The following DCDC1 variants were observed in gnomAD, a reference collection of about 807,000 sequenced individuals.
DCDC1 encodes doublecortin domain containing 1.
DCDC1 carries 200 observed loss-of-function variants against 178.3 expected under a neutral mutation model. That is an observed-to-expected ratio of 1.12 (90% confidence interval 1.00 to 1.26). The LOEUF is 1.26. Among genes scored for constraint, DCDC1 ranks in the 50% most tolerant of loss-of-function variants. The probability of loss-of-function intolerance (pLI) is 0.00; values close to 1 mark genes in which losing one functional copy is unlikely to be tolerated. For synonymous variants in DCDC1, 690 were observed against 604.8 expected, an observed-to-expected ratio of 1.14 and a Z score of -2.07; for missense variants, 1,983 against 1,749.2, an observed-to-expected ratio of 1.13 and a Z score of -2.38.
intron 12 of DCDC1, among the ~76,000 whole-genome samples, chr11:31,109,329 G>A (rs1042543521): frequency 2.0e-5 from 3 of 151,962 alleles, no homozygotes; most frequent in African/African-American, 7.2e-5. Flanking sequence ...ATGTTGCTCA[G>A]GCTGGTAAAA....
chr11:30,998,567 A>C (rs912764742), intron 20 of DCDC1, among the ~76,000 whole-genome samples: 3 of 152,238 alleles, frequency 2.0e-5, no homozygotes, highest in African/African-American at 7.2e-5. Context: ...AAATGTTTTA[A>C]AAATGACAGA....
intron 8 of DCDC1, among the ~76,000 whole-genome samples, chr11:31,259,071 A>G (rs1378953325): frequency 2.0e-5 from 3 of 152,020 alleles, no homozygotes; most frequent in African/African-American, 4.8e-5. Flanking sequence ...TCGGTTCCCT[A>G]AGAGCGCGGT....
chr11:30,895,432 A>G (rs752089215), intron 34 of DCDC1, among the ~76,000 whole-genome samples: 11 of 152,222 alleles, frequency 7.2e-5, no homozygotes, highest in Non-Finnish European at 1.3e-4. Flanking sequence ...TTAGGTTCAT[A>G]AAACAATAGA....
intron 20 of DCDC1, among the ~76,000 whole-genome samples, chr11:30,973,761 G>T (rs1378405797): frequency 2.6e-5 from 4 of 152,050 alleles, no homozygotes; most frequent in African/African-American, 9.7e-5. Context: ...TAAACATAAA[G>T]GGAGAAATAA....
intron 1 of DCDC1, among the ~76,000 whole-genome samples, chr11:31,355,527 AT>A (rs1248497454): frequency 3.3e-5 from 5 of 152,050 alleles, no homozygotes; most frequent in African/African-American, 9.7e-5. Context: ...TAGAAAAAAA[AT>A]GTTTGGTTAC....
intron 9 of DCDC1, among the ~76,000 whole-genome samples, chr11:31,193,222 A>T (rs2136366273): frequency 6.6e-6 from 1 of 152,162 alleles, no homozygotes; most frequent in African/African-American, 2.4e-5. Flanking sequence ...TTACCATAAC[A>T]AATCAATCCT....
intron 20 of DCDC1, among the ~76,000 whole-genome samples, chr11:31,064,004 T>C (rs1956114584): frequency 6.6e-6 from 1 of 152,166 alleles, no homozygotes; most frequent in Admixed American, 6.5e-5. Context: ...AATGATGTTA[T>C]TTTTATTCTA....
In DCDC1 at chr11:31,089,608, C is replaced by T. The variant is rs541193297; in HGVS notation, c.2237+1785G>A. ...ATTTTCTCACATCTCACTGATGCTCCGTTCTTTTTTTTTTTTTTGAAGTAT... is the reference window on the plus strand; with the variant it reads ...ATTTTCTCACATCTCACTGATGCTCTGTTCTTTTTTTTTTTTTTGAAGTAT... On this transcript the variant is annotated intron_variant, in intron 17 of 38. Coordinates refer to ENST00000684477, the MANE Select transcript of DCDC1 (RefSeq NM_001387274.1). Among the ~76,000 whole-genome samples the T allele has an allele frequency of 1.1e-4, 14 of 122,790 alleles. No homozygotes were observed. The East Asian group carries it at 1.5e-3, about 13-fold the overall frequency. The allele number at this position is 122,790 out of a possible 152,430, so 80.6% of individuals were successfully genotyped here.
chr11:31,260,784 G>C (rs1299401595), intron 8 of DCDC1, among the ~76,000 whole-genome samples: 10 of 152,088 alleles, frequency 6.6e-5, no homozygotes, highest in Admixed American at 6.5e-4. Context: ...CAAAAAGTTT[G>C]GAAATGTTAG....
At chr11:31,215,979 C>T (rs550991287) in intron 9 of DCDC1, among the ~76,000 whole-genome samples, 44 of 152,222 alleles carry the variant, frequency 2.9e-4, no homozygotes, top group African/African-American at 9.1e-4. Flanking sequence ...CATGCAGAGC[C>T]AAGGAGCATT....
intron 2 of DCDC1, among the ~76,000 whole-genome samples, chr11:31,329,113 T>C (rs1473439572): frequency 6.6e-6 from 1 of 152,026 alleles, no homozygotes; most frequent in Non-Finnish European, 1.5e-5. Flanking sequence ...TTCTCCCACA[T>C]ACAGAGATTG....
chr11:31,351,169 C>T (rs1951054066), intron 1 of DCDC1, among the ~76,000 whole-genome samples: 2 of 151,944 alleles, frequency 1.3e-5, no homozygotes, highest in Admixed American at 1.3e-4. Flanking sequence ...AAAAACACTA[C>T]AGGAAAAGGT....
At chr11:30,914,486 T>A (rs1247386103) in intron 27 of DCDC1, among the ~76,000 whole-genome samples, 1 of 152,154 alleles carries the variant, frequency 6.6e-6, no homozygotes, top group Non-Finnish European at 1.5e-5. Flanking sequence ...TGCACAAACA[T>A]ACACTTTGTA....
At chr11:30,884,358 A>G (rs892899601) in intron 36 of DCDC1, among the ~76,000 whole-genome samples, 1 of 152,134 alleles carries the variant, frequency 6.6e-6, no homozygotes, top group African/African-American at 2.4e-5. Context: ...TGAAGATAAA[A>G]GATGTTTTCC....
At chr11:30,953,978 A>C (rs1948595292) in intron 20 of DCDC1, among the ~76,000 whole-genome samples, 1 of 149,794 alleles carries the variant, frequency 6.7e-6, no homozygotes, top group African/African-American at 2.5e-5. Flanking sequence ...TATATTATGC[A>C]TGTATATATT....
chr11:30,902,236 C>A (rs1300588652), intron 32 of DCDC1, among the ~76,000 whole-genome samples: 1 of 151,904 alleles, frequency 6.6e-6, no homozygotes, highest in African/African-American at 2.4e-5. Flanking sequence ...GAATTAAGAC[C>A]CTTATAAAAG....
At chr11:31,219,831 T>C (rs1286429322) in intron 9 of DCDC1, among the ~76,000 whole-genome samples, 1 of 152,176 alleles carries the variant, frequency 6.6e-6, no homozygotes, top group Non-Finnish European at 1.5e-5. Flanking sequence ...TTTAAGTGTT[T>C]ACAGGTATAA....
At chr11:31,236,846 T>C (rs1424920832) in intron 9 of DCDC1, among the ~76,000 whole-genome samples, 1 of 152,004 alleles carries the variant, frequency 6.6e-6, no homozygotes, top group Non-Finnish European at 1.5e-5. Context: ...TGTTAAAAAC[T>C]GAAATATTTT....
intron 20 of DCDC1, among the ~76,000 whole-genome samples, chr11:31,027,944 C>A (rs534172985): frequency 6.6e-6 from 1 of 151,708 alleles, no homozygotes; most frequent in African/African-American, 2.4e-5. Context: ...CATATTGCAA[C>A]GATATTCTCA....
Sources: gnomAD v4.1 joint callset for allele counts (sites outside exome capture counted in the v4.1 genomes callset) on GRCh38, gnomAD v4.1.1 for gene constraint, MANE v1.5 for transcripts, NCBI Gene and HGNC (gene_info 2026-07-23, HGNC 2026-07-21) for gene names.